PLCB4: variants seen among roughly 807,000 people sequenced by gnomAD.
PLCB4 encodes the protein phospholipase C beta 4.
Under a neutral mutation model 178.8 loss-of-function variants are expected in PLCB4, and 77 were observed. That is an observed-to-expected ratio of 0.43 (90% confidence interval 0.36 to 0.52). The LOEUF (loss-of-function observed/expected upper bound fraction) is 0.52. Among genes scored for constraint, PLCB4 ranks in the 20% least tolerant of loss-of-function variants. The pLI, the probability that PLCB4 is intolerant of heterozygous loss-of-function variation, is 0.00. For synonymous variants in PLCB4, 496 were observed against 490.8 expected (o/e 1.01, Z -0.14); for missense variants, 1,024 against 1,453.4 (o/e 0.70, Z 4.80).
intron 3 of PLCB4, among the ~76,000 whole-genome samples, chr20:9,232,354 A>G (rs1350365677): frequency 6.6e-6 from 1 of 152,160 alleles, no homozygotes; most frequent in Non-Finnish European, 1.5e-5. Flanking sequence ...AGAACAATAT[A>G]AAATCTTTAT....
intron 2 of PLCB4, among the ~76,000 whole-genome samples, chr20:9,169,994 G>A (rs113673989): frequency 2.0e-5 from 3 of 152,018 alleles, no homozygotes; most frequent in South Asian, 2.1e-4. Flanking sequence ...TTATTCATAC[G>A]AAATTTCTAT....
chr20:9,104,375 A>C (rs2091286967), intron 2 of PLCB4, among the ~76,000 whole-genome samples: 2 of 152,210 alleles, frequency 1.3e-5, no homozygotes, highest in African/African-American at 4.8e-5. Context: ...GCTGGATTAT[A>C]GTCAAGCAGC....
intron 3 of PLCB4, among the ~76,000 whole-genome samples, chr20:9,254,130 T>C (rs1272533163): frequency 6.6e-6 from 1 of 152,312 alleles, no homozygotes; most frequent in East Asian, 1.9e-4. Context: ...GTAACTGCTG[T>C]CAAATCTAAT....
intron 2 of PLCB4, among the ~76,000 whole-genome samples, chr20:9,143,922 T>A (rs1196311506): frequency 6.6e-6 from 1 of 152,116 alleles, no homozygotes; most frequent in Non-Finnish European, 1.5e-5. Flanking sequence ...ACCTGGTGGA[T>A]GCTTTTATAA....
chr20:9,316,448 G>A lies in PLCB4; in HGVS notation c.84+8550G>A, dbSNP rs1034424199. On this transcript the variant is annotated intron_variant, in intron 4 of 39. Coordinates refer to ENST00000378473, the MANE Select transcript of PLCB4 (RefSeq NM_001377142.1). ...TTTGGAGACAGTTACTCTGGAGGCC[G>A]TACAAAGGATGATTCGTAGGCGGGG... 4.6e-5 allele frequency among the ~76,000 whole-genome samples: 7 copies of A among 152,302 alleles called. No individual in the cohort carries two copies. In the South Asian group the frequency reaches 6.2e-4, roughly 14 times the overall value.
intron 28 of PLCB4, among the ~76,000 whole-genome samples, chr20:9,433,381 G>A (rs182935854): frequency 1.3e-3 from 194 of 152,302 alleles, no homozygotes; most frequent in Non-Finnish European, 2.2e-3. Flanking sequence ...TTCAAGCAAT[G>A]TAACTATAAA....
chr20:9,198,733 C>A (rs1391404940), intron 2 of PLCB4, among the ~76,000 whole-genome samples: 2 of 152,004 alleles, frequency 1.3e-5, no homozygotes, highest in Non-Finnish European at 2.9e-5. Flanking sequence ...CTCACTTGTC[C>A]TTAGATTATC....
intron 1 of PLCB4, among the ~76,000 whole-genome samples, chr20:9,091,694 T>C (rs2090686049): frequency 6.6e-6 from 1 of 151,282 alleles, no homozygotes; most frequent in Admixed American, 6.6e-5. Context: ...GCCTAACACC[T>C]CACCTGGTTT....
chr20:9,224,018 G>A (rs532278813), intron 3 of PLCB4, among the ~76,000 whole-genome samples: 11 of 152,236 alleles, frequency 7.2e-5, no homozygotes, highest in South Asian at 2.1e-4. Context: ...TTTCCATTTC[G>A]TACTTTTGGA....
chr20:9,075,255 A>G (rs1297356993), intron 1 of PLCB4, among the ~76,000 whole-genome samples: 2 of 152,166 alleles, frequency 1.3e-5, no homozygotes, highest in Non-Finnish European at 2.9e-5. Context: ...TTAAGCTGGT[A>G]CATGCTGCAG....
At chr20:9,232,357 A>G (rs755094174) in intron 3 of PLCB4, among the ~76,000 whole-genome samples, 3 of 152,144 alleles carry the variant, frequency 2.0e-5, no homozygotes, top group Non-Finnish European at 4.4e-5. Context: ...ACAATATAAA[A>G]TCTTTATGAT....
chr20:9,444,768 A>G (rs1444691029), intron 32 of PLCB4, among the ~76,000 whole-genome samples: 11 of 152,190 alleles, frequency 7.2e-5, no homozygotes, highest in Non-Finnish European at 1.5e-4. Flanking sequence ...TCTCAAAAAA[A>G]AAGAAAAATT....
chr20:9,408,140 C>A, intron 22 of PLCB4, 82 bp downstream of exon 22: 3 of 1,249,034 alleles, frequency 2.4e-6, no homozygotes, highest in Non-Finnish European at 3.4e-6. Context: ...TAATTTGTTG[C>A]CATTTTTCTT....
At position 9,194,830 on chromosome 20, in the gene PLCB4, C is replaced by T. The variant is rs557502121; in HGVS notation, c.-78-22560C>T. Among the ~76,000 whole-genome samples, 24 of 151,776 alleles carry T rather than the reference C, an allele frequency of 1.6e-4. No individual in the cohort carries two copies. In the South Asian group the frequency reaches 5.0e-3, roughly 31 times the overall value. The stretch of plus-strand genomic sequence containing the variant: ...GATTATAAAAGGAAAATACATGGGG[C>T]TTGCTAATTATGAGAAGACATTTGT... On this transcript the variant is annotated intron_variant, in intron 2 of 39. Transcript: ENST00000378473.
intron 36 of PLCB4, among the ~76,000 whole-genome samples, chr20:9,471,790 A>G (rs2044209975): frequency 6.6e-6 from 1 of 152,180 alleles, no homozygotes; most frequent in Non-Finnish European, 1.5e-5. Context: ...CAGACACTGC[A>G]GATGGAAATG....
At chr20:9,134,236 T>C (rs1430081981) in intron 2 of PLCB4, among the ~76,000 whole-genome samples, 4 of 152,190 alleles carry the variant, frequency 2.6e-5, no homozygotes, top group Non-Finnish European at 5.9e-5. Flanking sequence ...TGCATCCAAC[T>C]TTGAGGACAA....
chr20:9,109,742 G>A (rs981942946), intron 2 of PLCB4, among the ~76,000 whole-genome samples: 6 of 152,218 alleles, frequency 3.9e-5, no homozygotes, highest in African/African-American at 1.2e-4. Flanking sequence ...GACTAAGTTC[G>A]TTCTCACATA....
At position 9,075,901 on chromosome 20, in the gene PLCB4, A is replaced by G. The variant is rs55870724; in HGVS notation, c.-135+6695A>G. 7.0e-3 allele frequency among the ~76,000 whole-genome samples: 1,069 copies of G among 152,338 alleles called. 11 individuals carry two copies. Among genetic ancestry groups the G allele is most frequent in the African/African-American group, 0.024 (1,005 of 41,584 alleles). On this transcript the variant is annotated intron_variant, in intron 1 of 39. Coordinates refer to ENST00000378473, the MANE Select transcript of PLCB4 (RefSeq NM_001377142.1). The stretch of plus-strand genomic sequence containing the variant: ...TTTGTGGTTTGACCCAGGAGCTCCC[A>G]TGTTGAGCCTTTTGTTAGCTGTAAG...
intron 7 of PLCB4, among the ~76,000 whole-genome samples, chr20:9,360,510 GT>G (rs1335825474): frequency 6.6e-6 from 1 of 150,470 alleles, no homozygotes; most frequent in African/African-American, 2.5e-5. Flanking sequence ...TATGGACTTT[GT>G]TTTGTGTTTT....
Sources: allele counts gnomAD v4.1 joint callset (sites outside exome capture counted in the v4.1 genomes callset), GRCh38; gene constraint gnomAD v4.1.1; transcripts MANE v1.5; gene names NCBI Gene and HGNC (gene_info 2026-07-23, HGNC 2026-07-21).